ARHGAP26: variants seen among roughly 807,000 people sequenced by gnomAD.
ARHGAP26 encodes Rho GTPase activating protein 26.
A neutral mutation model predicts 104.8 loss-of-function variants in ARHGAP26; 38 were observed. The ratio of observed to expected loss-of-function variants is 0.36; its 90% CI spans 0.28 to 0.48. The LOEUF is 0.48. Among genes scored for constraint, ARHGAP26 ranks in the 20% least tolerant of loss-of-function variants. The pLI, the probability that ARHGAP26 is intolerant of heterozygous loss-of-function variation, is 0.99. For synonymous variants in ARHGAP26, 341 were observed against 340.0 expected, an observed-to-expected ratio of 1.00 and a Z score of -0.03; for missense variants, 704 against 947.9, an observed-to-expected ratio of 0.74 and a Z score of 3.38.
intron 20 of ARHGAP26, among the ~76,000 whole-genome samples, chr5:143,175,752 A>G (rs1803386880): frequency 6.6e-6 from 1 of 152,204 alleles, no homozygotes; most frequent in South Asian, 2.1e-4. Context: ...GAGAACTGCC[A>G]TAAGAAGGTT....
chr5:143,169,327 T>G (rs1802458257), intron 20 of ARHGAP26: 1 of 152,246 alleles, frequency 6.6e-6, no homozygotes, highest in South Asian at 2.1e-4. Context: ...ACTTACTGGT[T>G]TTCCATTGTG....
chr5:143,213,791 T>C (rs1008907274), intron 21 of ARHGAP26, among the ~76,000 whole-genome samples: 2 of 152,216 alleles, frequency 1.3e-5, no homozygotes, highest in African/African-American at 4.8e-5. Context: ...TTGAAGCTTA[T>C]GGCTTTTCTC....
At chr5:142,893,648 T>G (rs1239472587) in intron 5 of ARHGAP26, among the ~76,000 whole-genome samples, 1 of 152,230 alleles carries the variant, frequency 6.6e-6, no homozygotes, top group Non-Finnish European at 1.5e-5. Flanking sequence ...GGTAGTACTA[T>G]TTTTAGCTTT....
intron 11 of ARHGAP26, among the ~76,000 whole-genome samples, chr5:142,982,237 A>T (rs768319205): frequency 6.6e-5 from 10 of 152,378 alleles, no homozygotes; most frequent in Non-Finnish European, 1.3e-4. Flanking sequence ...AGCAGTCCAG[A>T]TGGCTGGCTG....
At chr5:142,818,002 A>C (rs1765460857) in intron 1 of ARHGAP26, among the ~76,000 whole-genome samples, 1 of 152,128 alleles carries the variant, frequency 6.6e-6, no homozygotes, top group South Asian at 2.1e-4. Context: ...GTGTCAGAAC[A>C]GGTTCTGGGC....
At chr5:142,772,960 A>AAT in intron 1 of ARHGAP26, 1 of 523,476 alleles carries the variant, frequency 1.9e-6, no homozygotes, top group Non-Finnish European at 3.9e-6. Flanking sequence ...TAAGCTGTCT[A>AAT]ATGGAATGGA....
At chr5:142,874,831 G>A in intron 2 of ARHGAP26, 1 of 314,918 alleles carries the variant, frequency 3.2e-6, no homozygotes, top group Non-Finnish European at 5.8e-6. Context: ...CTGGAAGCCT[G>A]CCAGCATCTC....
intron 1 of ARHGAP26, among the ~76,000 whole-genome samples, chr5:142,791,142 G>C (rs1016359764): frequency 2.0e-5 from 3 of 150,234 alleles, no homozygotes; most frequent in Admixed American, 6.6e-5. Context: ...GTAGTGGCAC[G>C]ATCTCGGCTT....
chr5:142,956,297 C>CA (rs1257414632), intron 11 of ARHGAP26, among the ~76,000 whole-genome samples: 3 of 152,062 alleles, frequency 2.0e-5, no homozygotes, highest in Non-Finnish European at 2.9e-5. Flanking sequence ...AGAAGCATGC[C>CA]AGGCACAGTG....
intron 17 of ARHGAP26, among the ~76,000 whole-genome samples, chr5:143,108,839 C>G (rs1315236783): frequency 6.6e-6 from 1 of 152,304 alleles, no homozygotes; most frequent in African/African-American, 2.4e-5. Flanking sequence ...ATGGTCATGT[C>G]CATAGAAGCT....
At chr5:142,780,673 G>A (rs1168419711) in intron 1 of ARHGAP26, among the ~76,000 whole-genome samples, 5 of 152,236 alleles carry the variant, frequency 3.3e-5, no homozygotes, top group Non-Finnish European at 7.3e-5. Flanking sequence ...CAGAGACCTT[G>A]TTTGTGTTCC....
chr5:142,894,198 A>T, intron 5 of ARHGAP26, 40 bp from the exon 6 acceptor site: 1 of 1,554,172 alleles, frequency 6.4e-7, no homozygotes, highest in Non-Finnish European at 8.9e-7. Context: ...ATCCTTGGGT[A>T]GTGACTTGAT....
intron 11 of ARHGAP26, among the ~76,000 whole-genome samples, chr5:142,960,116 A>G (rs972996564): frequency 6.6e-6 from 1 of 152,272 alleles, no homozygotes; most frequent in African/African-American, 2.4e-5. Flanking sequence ...TAAGACAGCT[A>G]GGACAACCTG....
intron 19 of ARHGAP26, among the ~76,000 whole-genome samples, chr5:143,146,091 C>G (rs1799122943): frequency 6.6e-6 from 1 of 152,022 alleles, no homozygotes; most frequent in African/African-American, 2.4e-5. Flanking sequence ...CAGGATTAGC[C>G]TAGATATGAT....
At chr5:143,017,310 T>A (rs1779726091) in intron 12 of ARHGAP26, among the ~76,000 whole-genome samples, 1 of 152,220 alleles carries the variant, frequency 6.6e-6, no homozygotes, top group Non-Finnish European at 1.5e-5. Flanking sequence ...GGGCCATAAG[T>A]AATGTCTGTC....
chr5:143,074,804 C>A (rs746050907), intron 17 of ARHGAP26, among the ~76,000 whole-genome samples: 4 of 152,242 alleles, frequency 2.6e-5, no homozygotes, highest in Non-Finnish European at 5.9e-5. Context: ...CTAACTCATT[C>A]AGCAGCTGTT....
chr5:142,783,459 G>A (rs1561833117), intron 1 of ARHGAP26, among the ~76,000 whole-genome samples: 1 of 152,194 alleles, frequency 6.6e-6, no homozygotes, highest in African/African-American at 2.4e-5. Flanking sequence ...TGGGGTCAGA[G>A]CCTGTAATTA....
chr5:142,869,196 TTTTTC>T (rs375759335), intron 1 of ARHGAP26, among the ~76,000 whole-genome samples: 199 of 133,164 alleles, frequency 1.5e-3, no homozygotes, highest in Admixed American at 0.013. Context: ...TTTCTTTTTC[TTTTTC>T]TTTTTTCTTT....
chr5:142,925,798 T>C (rs1763824030), intron 10 of ARHGAP26, among the ~76,000 whole-genome samples: 1 of 152,196 alleles, frequency 6.6e-6, no homozygotes, highest in Non-Finnish European at 1.5e-5. Context: ...CCCTTAAATA[T>C]ACAGTAGTGT....
Sources: allele counts gnomAD v4.1 joint callset (sites outside exome capture counted in the v4.1 genomes callset), GRCh38; gene constraint gnomAD v4.1.1; transcripts MANE v1.5; gene names NCBI Gene and HGNC (gene_info 2026-07-23, HGNC 2026-07-21).